The following FECH variants were observed in gnomAD, a reference collection of about 807,000 sequenced individuals.
FECH encodes the protein ferrochelatase, mitochondrial.
FECH carries 40 observed loss-of-function variants against 56.9 expected under a neutral mutation model. That is an observed-to-expected ratio of 0.70 (90% confidence interval 0.55 to 0.92). FECH has a LOEUF of 0.92. Ranked by LOEUF, FECH falls within the 40% of genes least tolerant of loss-of-function variation. The pLI is 0.00. For synonymous variants in FECH, 175 were observed against 198.6 expected (o/e 0.88, Z 1.00); for missense variants, 431 against 529.1 (o/e 0.81, Z 1.82).
chr18:57,560,878 A>C (rs2050935814), intron 6 of FECH, among the ~76,000 whole-genome samples: 1 of 152,224 alleles, frequency 6.6e-6, no homozygotes, highest in Non-Finnish European at 1.5e-5. Flanking sequence ...CTATTCCCTA[A>C]TAAATATTGA....
intron 6 of FECH, 94 bp from the exon 7 acceptor site, chr18:57,559,337 A>C (rs2050911011): frequency 1.1e-6 from 1 of 889,170 alleles, no homozygotes; most frequent in Non-Finnish European, 1.8e-6. Flanking sequence ...TACACCAAAA[A>C]TCTCAGAGCA....
chr18:57,575,807 T>G (rs1234755772), intron 2 of FECH, among the ~76,000 whole-genome samples: 1 of 152,186 alleles, frequency 6.6e-6, no homozygotes, highest in African/African-American at 2.4e-5. Context: ...ATGTCAAATG[T>G]AAACAGGTAG....
intron 3 of FECH, among the ~76,000 whole-genome samples, chr18:57,571,812 C>A (rs2051114904): frequency 6.6e-6 from 1 of 152,180 alleles, no homozygotes; most frequent in African/African-American, 2.4e-5. Context: ...AACACCCATG[C>A]AGAGAAACCT....
chr18:57,581,997 TTGG>T (rs963828786), intron 1 of FECH, among the ~76,000 whole-genome samples: 59 of 147,638 alleles, frequency 4.0e-4, no homozygotes, highest in African/African-American at 1.4e-3. Flanking sequence ...CTGGTTTGAG[TTGG>T]TGTTTTAAAA....
chr18:57,544,996 G>C lies in FECH; in HGVS notation c.*5716C>G, dbSNP rs2050701288. On this transcript the variant is annotated 3_prime_UTR_variant, in exon 11 of 11. Transcript: ENST00000262093. ...CATATATACACTTTTTTTCAGATAAGGAAAAGGTAAAAATACAGAATACTA... is the reference window on the plus strand; with the variant it reads ...CATATATACACTTTTTTTCAGATAACGAAAAGGTAAAAATACAGAATACTA... Among the ~76,000 whole-genome samples the C allele has an allele frequency of 6.6e-6, 1 of 152,088 alleles. No homozygotes were observed. Among genetic ancestry groups the C allele is most frequent in the Non-Finnish European group, 1.5e-5 (1 of 68,014 alleles).
chr18:57,569,502 GGAAA>G (rs2051064822), intron 4 of FECH, among the ~76,000 whole-genome samples: 1 of 152,176 alleles, frequency 6.6e-6, no homozygotes, highest in Admixed American at 6.5e-5. Flanking sequence ...CAACTATATA[GGAAA>G]GAAAGGATCA....
intron 3 of FECH, among the ~76,000 whole-genome samples, chr18:57,572,363 G>A (rs967365830): frequency 8.6e-5 from 13 of 151,946 alleles, no homozygotes; most frequent in African/African-American, 3.1e-4. Context: ...ATTGAACAAT[G>A]AGAACACTTG....
Position 57,566,146 on chromosome 18 carries a change from C to T in FECH, c.598+301G>A, listed in dbSNP as rs2269222. ...CATAAAAAGGTTTATCACACAAACC[C>T]AGAAAGAGCCTTAAGGTTCATTACT... On this transcript the variant is annotated intron_variant, in intron 5 of 10. Transcript: ENST00000262093. Among the ~76,000 whole-genome samples, 13,656 of 152,130 alleles carry T rather than the reference C, an allele frequency of 0.09. 783 individuals carry two copies. The highest frequency in any genetic ancestry group is 0.16 in the African/African-American group (6,478 of 41,498).
rs551827906 is a variant in FECH at position 57,554,406 on chromosome 18, A to G, written c.931T>C (p.Leu311=). 5.6e-6 allele frequency: 9 copies of G among 1,614,174 alleles called. No individual in the cohort carries two copies. The highest frequency in any genetic ancestry group is 5.0e-5 in the Admixed American group (3 of 60,034). ...ATAGATTCGTCTGTTTGAGGACCCAACCAGGGCATTGGACCAACCTATGCG... is the reference window on the plus strand; with the variant it reads ...ATAGATTCGTCTGTTTGAGGACCCAGCCAGGGCATTGGACCAACCTATGCG... ...WQSKVGPMPW[L]GPQTDESIKG... The change falls in exon 9 of 11, where the codon TTG becomes CTG. Residue 311 remains leucine, a synonymous_variant. Coordinates refer to ENST00000262093, the MANE Select transcript of FECH (RefSeq NM_000140.5).
rs539877332 is a variant in FECH, at chr18:57,585,175, G to A, written c.67+1379C>T. ...CTAAATACATAAAGTATAAAACTTT[G>A]CTTTTCCACTTTTACTTTCAGAACT... On this transcript the variant is annotated intron_variant, in intron 1 of 10. Transcript: ENST00000262093. Among the ~76,000 whole-genome samples, 93 of 151,938 alleles carry A rather than the reference G, an allele frequency of 6.1e-4. 1 individual carries two copies. The Middle Eastern group carries it at 0.01, about 17-fold the overall frequency.
At chr18:57,562,852 C>T in intron 6 of FECH, 22 bp downstream of exon 6, 1 of 1,594,392 alleles carries the variant, frequency 6.3e-7, no homozygotes, top group Non-Finnish European at 8.6e-7. Context: ...GGGTGACAGG[C>T]AGCTGGCAAG....
Position 57,554,845 on chromosome 18 carries a change from C to T in FECH, c.912G>A (p.Lys304=), listed in dbSNP as rs754631950. The change falls in exon 8 of 11, where the codon AAG becomes AAA. Residue 304 remains lysine, a splice_region_variant and synonymous_variant. Coordinates refer to ENST00000262093, the MANE Select transcript of FECH (RefSeq NM_000140.5). ...GCCCGCCAGTGTGGAAGCCACTTAC[C>T]TTGGATTGCCACACCAGTCGGTAGG... ...CNPYRLVWQS[K]VGPMPWLGPQ... The T allele has an allele frequency of 2.5e-6, 4 of 1,613,526 alleles. No individual in the cohort carries two copies. The East Asian group carries it at 6.7e-5, about 27-fold the overall frequency.
chr18:57,579,313 G>GTATATA (rs1555681608), intron 2 of FECH, among the ~76,000 whole-genome samples: 12 of 143,836 alleles, frequency 8.3e-5, no homozygotes, highest in African/African-American at 3.1e-4. Context: ...GTGTGTGTGT[G>GTATATA]TATATATTCA....
At position 57,552,193 on chromosome 18, in the gene FECH, T is replaced by C. The variant is rs141132202; in HGVS notation, c.1078-819A>G. ...GCCACCAAGTCTGGCCTGAAATATA[T>C]TCTTATGGAGAAAAATCTAAAGGAA... is the stretch of plus-strand genomic sequence containing the variant. On this transcript the variant is annotated intron_variant, in intron 9 of 10. Transcript: ENST00000262093. Among the ~76,000 whole-genome samples the C allele has an allele frequency of 9.3e-4, 141 of 152,018 alleles. 2 individuals carry two copies. The highest frequency in any genetic ancestry group is 3.2e-3 in the African/African-American group (133 of 41,458).
intron 2 of FECH, among the ~76,000 whole-genome samples, chr18:57,575,834 C>A (rs2051177924): frequency 6.6e-6 from 1 of 152,180 alleles, no homozygotes; most frequent in African/African-American, 2.4e-5. Context: ...TTTTCTTGAT[C>A]AAACCTGTTG....
intron 7 of FECH, among the ~76,000 whole-genome samples, chr18:57,555,503 A>G (rs1324000201): frequency 6.6e-6 from 1 of 152,240 alleles, no homozygotes; most frequent in African/African-American, 2.4e-5. Context: ...TCTTCCTGCA[A>G]CAATGGACAA....
In FECH at chr18:57,571,382, A is replaced by C; in HGVS notation, c.463+10T>G. The C allele has an allele frequency of 6.2e-7, 1 of 1,613,980 alleles. No homozygotes were observed. The highest frequency in any genetic ancestry group is 8.5e-7 in the Non-Finnish European group (1 of 1,179,846). ...TAATCTAGTTACATGTTAATGAAGA[A>C]ACACCATACCTGTGTTGGGGGACAA... On this transcript the variant is annotated intron_variant, in intron 4 of 10. Coordinates refer to ENST00000262093, the MANE Select transcript of FECH (RefSeq NM_000140.5).
At chr18:57,585,223 T>G (rs1037791062) in intron 1 of FECH, among the ~76,000 whole-genome samples, 1 of 152,190 alleles carries the variant, frequency 6.6e-6, no homozygotes, top group African/African-American at 2.4e-5. Context: ...TAATCCTCAG[T>G]GTTTTCTCAC....
intron 1 of FECH, 75 bp downstream of exon 1, chr18:57,586,479 G>C (rs1419223587): frequency 6.8e-7 from 1 of 1,462,362 alleles, no homozygotes; most frequent in Non-Finnish European, 9.1e-7. Flanking sequence ...CGAGGGCCCG[G>C]GCGCCAGCTG....
Sources: gnomAD v4.1 joint callset for allele counts (sites outside exome capture counted in the v4.1 genomes callset) on GRCh38, gnomAD v4.1.1 for gene constraint, MANE v1.5 for transcripts, NCBI Gene and HGNC (gene_info 2026-07-23, HGNC 2026-07-21) for gene names.